PTPRG: variants seen among roughly 807,000 people sequenced by gnomAD.
PTPRG encodes the protein protein tyrosine phosphatase receptor type G, also known as receptor-type tyrosine-protein phosphatase gamma.
PTPRG carries 102 observed loss-of-function variants against 165.3 expected under a neutral mutation model. The observed-to-expected ratio is 0.62, with a 90% CI of 0.53 to 0.73. PTPRG has a LOEUF of 0.73. Ranked by LOEUF, PTPRG falls within the 30% of genes least tolerant of loss-of-function variation. PTPRG has a pLI of 0.00. For synonymous variants in PTPRG, 675 were observed against 669.5 expected (o/e 1.01, Z -0.13); for missense variants, 1,866 against 1,861.4 (o/e 1.00, Z -0.05).
rs1398428473 is a variant in PTPRG, at chr3:62,213,733, G to T, written c.2156-5118G>T. On this transcript the variant is annotated intron_variant, in intron 12 of 29. Transcript: ENST00000474889. The surrounding 1 kb of genome is among the most constrained non-coding windows in gnomAD (Gnocchi z 4.4). ...TCTGGTCTCTGGAGGCCTAGGCATG[G>T]GGAAGTTTAGCCTCATGGATTGTCG... 6.6e-6 allele frequency among the ~76,000 whole-genome samples: 1 copy of T among 152,178 alleles called. No individual in the cohort carries two copies. Among genetic ancestry groups the T allele is most frequent in the Non-Finnish European group, 1.5e-5 (1 of 68,034 alleles).
chr3:61,591,804 C>T (rs1559515179), intron 1 of PTPRG, among the ~76,000 whole-genome samples: 1 of 152,126 alleles, frequency 6.6e-6, no homozygotes, highest in Non-Finnish European at 1.5e-5. Flanking sequence ...GGCTTTGGAA[C>T]TGGTAGATAG....
At chr3:61,611,487 G>T (rs1450171068) in intron 1 of PTPRG, among the ~76,000 whole-genome samples, 1 of 152,138 alleles carries the variant, frequency 6.6e-6, no homozygotes, top group Non-Finnish European at 1.5e-5. Context: ...GCCATTTACT[G>T]ATTTTTCTAG....
chr3:62,107,355 G>C (rs1249718330), intron 5 of PTPRG, among the ~76,000 whole-genome samples: 1 of 152,164 alleles, frequency 6.6e-6, no homozygotes, highest in African/African-American at 2.4e-5. Context: ...GGAAGCTTCT[G>C]GGCTATTAAA....
Position 62,292,405 on chromosome 3 carries a change from T to C in PTPRG, c.4056-16T>C, listed in dbSNP as rs770679945. On this transcript the variant is annotated splice_polypyrimidine_tract_variant and intron_variant, in intron 28 of 29. Coordinates refer to ENST00000474889, the MANE Select transcript of PTPRG (RefSeq NM_002841.4). ...TTTGTACATCTGAAATCGTATCTTT[T>C]TTTTTTCTCCCCCAGGTATGGAGCA... 2.5e-6 allele frequency: 4 copies of C among 1,600,346 alleles called. No individual in the cohort carries two copies. The South Asian group carries it at 3.4e-5, about 14-fold the overall frequency.
chr3:61,809,273 C>G (rs116264631), intron 2 of PTPRG, among the ~76,000 whole-genome samples: 2 of 151,692 alleles, frequency 1.3e-5, no homozygotes, highest in East Asian at 3.9e-4. Flanking sequence ...TATTACCATA[C>G]TAGAAGTAGG....
chr3:62,121,899 G>A (rs542424515), intron 5 of PTPRG, among the ~76,000 whole-genome samples: 6 of 152,286 alleles, frequency 3.9e-5, no homozygotes, highest in South Asian at 4.1e-4. Context: ...CAAATGGCAC[G>A]TTCTATCAAT....
intron 17 of PTPRG, among the ~76,000 whole-genome samples, chr3:62,264,696 T>G (rs187885048): frequency 6.6e-6 from 1 of 152,236 alleles, no homozygotes; most frequent in African/African-American, 2.4e-5. Context: ...CATTCATCAT[T>G]TGATGGACAT....
At chr3:61,867,727 G>A (rs1223801001) in intron 2 of PTPRG, among the ~76,000 whole-genome samples, 2 of 152,116 alleles carry the variant, frequency 1.3e-5, no homozygotes, top group African/African-American at 4.8e-5. Context: ...GATACTCTGA[G>A]CGTTTATCTT....
At chr3:62,083,270 T>TTC (rs56349385) in intron 5 of PTPRG, among the ~76,000 whole-genome samples, 6,023 of 151,556 alleles carry the variant, frequency 0.04, 126 homozygotes, top group East Asian at 0.078. Context: ...TTTTTTTTTT[T>TTC]CTTCCTTTTT....
chr3:62,132,753 A>G (rs1471913339), intron 6 of PTPRG, 85 bp downstream of exon 6: 11 of 1,181,862 alleles, frequency 9.3e-6, no homozygotes, highest in Non-Finnish European at 1.4e-5. Flanking sequence ...CTTGCAGAGG[A>G]CAGAGGGTGA....
intron 6 of PTPRG, among the ~76,000 whole-genome samples, chr3:62,155,351 G>T (rs1193285278): frequency 6.6e-6 from 1 of 152,178 alleles, no homozygotes; most frequent in Non-Finnish European, 1.5e-5. Flanking sequence ...TCTGTAAAAT[G>T]AGTATTAGAA....
intron 4 of PTPRG, among the ~76,000 whole-genome samples, chr3:62,071,851 T>A (rs1311643283): frequency 6.6e-6 from 1 of 152,234 alleles, no homozygotes; most frequent in South Asian, 2.1e-4. Context: ...ATCGTACGGA[T>A]ACCTATCTCA....
intron 2 of PTPRG, among the ~76,000 whole-genome samples, chr3:61,962,996 T>C (rs1350960136): frequency 6.6e-6 from 1 of 152,156 alleles, no homozygotes; most frequent in Non-Finnish European, 1.5e-5. Context: ...ATTTCCACCA[T>C]GTTGGTGAAT....
rs1418513426 is a variant in PTPRG at position 61,818,857 on chromosome 3, G to GTGAATAGTGAAATAT, written c.190+69889_190+69890insTTGAATAGTGAAATA. Among the ~76,000 whole-genome samples, 15 of 91,854 alleles carry GTGAATAGTGAAATAT rather than the reference G, an allele frequency of 1.6e-4. No homozygotes were observed. The South Asian group carries it at 1.7e-3, about 11-fold the overall frequency. 60.3% of individuals were successfully genotyped at this position (91,854 alleles called of 152,430 possible). A position where few individuals can be genotyped will look rare whatever the true frequency, so the allele number is the denominator to read the frequency against. ...TAGTGAAATAGTGAATAGTGAAATA[G>GTGAATAGTGAAATAT]TGAATAGTGAAATAGTGAATAGTGA... On this transcript the variant is annotated intron_variant, in intron 2 of 29. Coordinates refer to ENST00000474889, the MANE Select transcript of PTPRG (RefSeq NM_002841.4).
At chr3:62,099,884 C>G (rs537146648) in intron 5 of PTPRG, among the ~76,000 whole-genome samples, 2 of 150,188 alleles carry the variant, frequency 1.3e-5, no homozygotes, top group African/African-American at 4.9e-5. Flanking sequence ...CCACAGCCTC[C>G]GCCTCCCAGG....
intron 2 of PTPRG, among the ~76,000 whole-genome samples, chr3:61,824,447 A>G (rs962823094): frequency 1.3e-5 from 2 of 152,238 alleles, no homozygotes; most frequent in Admixed American, 6.5e-5. Context: ...CTTTACATCT[A>G]AGAGGCCTTC....
At chr3:61,849,908 T>A (rs1189185077) in intron 2 of PTPRG, among the ~76,000 whole-genome samples, 3 of 152,188 alleles carry the variant, frequency 2.0e-5, no homozygotes, top group African/African-American at 7.2e-5. Context: ...TTGGACTAAA[T>A]TTTTAAGGCT....
intron 3 of PTPRG, among the ~76,000 whole-genome samples, chr3:61,993,003 A>T (rs949454685): frequency 6.6e-6 from 1 of 152,054 alleles, no homozygotes; most frequent in Non-Finnish European, 1.5e-5. Context: ...TAGTTCATAA[A>T]TTTTTTAGAA....
At chr3:62,194,628 C>A (rs1460090773) in intron 9 of PTPRG, among the ~76,000 whole-genome samples, 2 of 152,072 alleles carry the variant, frequency 1.3e-5, no homozygotes, top group Non-Finnish European at 2.9e-5. Flanking sequence ...CATGGCAAAA[C>A]CCCGTCTCTA....
Sources: allele counts gnomAD v4.1 joint callset (sites outside exome capture counted in the v4.1 genomes callset), GRCh38; gene constraint gnomAD v4.1.1; non-coding constraint Gnocchi (gnomAD v3.1); transcripts MANE v1.5; gene names NCBI Gene and HGNC (gene_info 2026-07-23, HGNC 2026-07-21).